The following CREM variants were observed in gnomAD, a reference collection of about 807,000 sequenced individuals.
CREM encodes the protein cAMP-responsive element modulator.
A neutral mutation model predicts 37.3 loss-of-function variants in CREM; 13 were observed. That is an observed-to-expected ratio of 0.35 (90% CI 0.23 to 0.55). The LOEUF (loss-of-function observed/expected upper bound fraction) is 0.55, where lower values mean the gene tolerates loss of function less well. Among genes scored for constraint, CREM ranks in the 20% least tolerant of loss-of-function variants. The pLI is 0.88. For synonymous variants in CREM, 124 were observed against 120.2 expected, an observed-to-expected ratio of 1.03 and a Z score of -0.21; for missense variants, 296 against 362.3, an observed-to-expected ratio of 0.82 and a Z score of 1.49.
intron 1 of CREM, among the ~76,000 whole-genome samples, chr10:35,131,209 A>C (rs1193406247): frequency 6.6e-6 from 1 of 152,242 alleles, no homozygotes; most frequent in African/African-American, 2.4e-5. Flanking sequence ...TAACCAGGCC[A>C]TTTAAATATC....
intron 1 of CREM, among the ~76,000 whole-genome samples, chr10:35,135,113 A>G (rs533494497): frequency 6.6e-6 from 1 of 152,290 alleles, no homozygotes; most frequent in African/African-American, 2.4e-5. Context: ...TACTGGTGAA[A>G]GTAAGGTGAA....
At chr10:35,178,296 C>G (rs2094187957) in intron 3 of CREM, among the ~76,000 whole-genome samples, 1 of 152,134 alleles carries the variant, frequency 6.6e-6, no homozygotes, top group Non-Finnish European at 1.5e-5. Context: ...AGGAGAAATG[C>G]TTTATTTGGA....
At chr10:35,163,472 A>C (rs897511225) in intron 3 of CREM, among the ~76,000 whole-genome samples, 1 of 152,030 alleles carries the variant, frequency 6.6e-6, no homozygotes. Flanking sequence ...TTGCTTGAGC[A>C]CAGGAGTTCG....
chr10:35,211,861 A>G lies in CREM; in HGVS notation c.*463A>G. On this transcript the variant is annotated 3_prime_UTR_variant, in exon 8 of 8. Coordinates refer to ENST00000685392, the MANE Select transcript of CREM (RefSeq NM_183011.2). ...ATAGTTGCTTTTGAAGGAATACAAT[A>G]TATAGCTGGCAAGAATGGTGGCTTC... is the stretch of plus-strand genomic sequence containing the variant. The G allele has an allele frequency of 5.5e-6, 8 of 1,453,854 alleles. No homozygotes were observed. Among genetic ancestry groups the G allele is most frequent in the Non-Finnish European group, 7.3e-6 (8 of 1,092,126 alleles). The allele number at this position is 1,453,854 out of a possible 1,614,324, so 90.1% of individuals were successfully genotyped here.
At chr10:35,196,039 A>G (rs1457306799) in intron 6 of CREM, 1 of 1,613,776 alleles carries the variant, frequency 6.2e-7, no homozygotes, top group South Asian at 1.1e-5. Context: ...TTGAAGAGGG[A>G]AACACGTCAT....
At chr10:35,152,655 A>G (rs956125395) in intron 3 of CREM, among the ~76,000 whole-genome samples, 1 of 152,198 alleles carries the variant, frequency 6.6e-6, no homozygotes, top group Non-Finnish European at 1.5e-5. Context: ...GTGTGTTGAT[A>G]TACAGGACTA....
At chr10:35,191,026 A>G (rs571610733) in intron 6 of CREM, among the ~76,000 whole-genome samples, 53 of 152,172 alleles carry the variant, frequency 3.5e-4, no homozygotes, top group African/African-American at 1.2e-3. Flanking sequence ...ATCCCAAACC[A>G]TAGAAAGTCT....
intron 5 of CREM, among the ~76,000 whole-genome samples, chr10:35,180,374 C>T (rs1014550559): frequency 2.0e-5 from 3 of 152,124 alleles, no homozygotes; most frequent in Non-Finnish European, 4.4e-5. Flanking sequence ...GTCCTGACTA[C>T]TAAAACAAGC....
intron 6 of CREM, among the ~76,000 whole-genome samples, chr10:35,197,058 C>G (rs2095214209): frequency 1.3e-5 from 2 of 151,780 alleles, no homozygotes; most frequent in African/African-American, 4.8e-5. Flanking sequence ...GGGGTTTCAC[C>G]GTGTTAGCCA....
intron 1 of CREM, among the ~76,000 whole-genome samples, chr10:35,133,988 T>C (rs925628415): frequency 2.6e-5 from 4 of 152,208 alleles, no homozygotes; most frequent in African/African-American, 9.6e-5. Flanking sequence ...AATTCTTATA[T>C]ATACCTAGTT....
At chr10:35,146,867 G>C (rs1639928890) in intron 2 of CREM, among the ~76,000 whole-genome samples, 1 of 152,108 alleles carries the variant, frequency 6.6e-6, no homozygotes, top group Middle Eastern at 3.2e-3. Context: ...AGGATCTGTA[G>C]AATCTGGTAA....
chr10:35,195,717 A>G (rs2095128833), intron 6 of CREM: 6 of 356,438 alleles, frequency 1.7e-5, no homozygotes, highest in South Asian at 1.6e-4. Context: ...TTGTGTGCCT[A>G]CTTGTTTCTT....
At chr10:35,144,818 G>A (rs553716142) in intron 2 of CREM, among the ~76,000 whole-genome samples, 3 of 150,880 alleles carry the variant, frequency 2.0e-5, no homozygotes, top group Admixed American at 2.0e-4. Flanking sequence ...AACATAATTA[G>A]CCTTTTTTTC....
chr10:35,184,589 T>G (rs1313411961), intron 5 of CREM, among the ~76,000 whole-genome samples: 1 of 152,146 alleles, frequency 6.6e-6, no homozygotes, highest in Non-Finnish European at 1.5e-5. Context: ...AGTAGAAATG[T>G]TTTCTCACTA....
chr10:35,133,524 C>G (rs2089840486), intron 1 of CREM, among the ~76,000 whole-genome samples: 1 of 152,120 alleles, frequency 6.6e-6, no homozygotes, highest in African/African-American at 2.4e-5. Context: ...GTCTCGAACT[C>G]CTGACCTCAT....
chr10:35,139,147 A>G (rs538805469), intron 2 of CREM, among the ~76,000 whole-genome samples: 3 of 150,410 alleles, frequency 2.0e-5, no homozygotes, highest in South Asian at 2.1e-4. Flanking sequence ...TTTTTGAGAC[A>G]CAGTGTCACT....
Position 35,208,749 on chromosome 10 carries a change from T to C in CREM, c.755+1698T>C, listed in dbSNP as rs112201636. Among the ~76,000 whole-genome samples the C allele has an allele frequency of 3.3e-5, 5 of 152,328 alleles. 1 individual carries two copies. The highest frequency in any genetic ancestry group is 1.2e-4 in the African/African-American group (5 of 41,580). ...GTCTGGCCCAACTGCAAACCTTTCC[T>C]GGAAGATCCTCCCAGCAACTTTCAC... On this transcript the variant is annotated intron_variant, in intron 7 of 7. Transcript: ENST00000685392.
At chr10:35,201,798 A>T (rs1460067787) in intron 6 of CREM, among the ~76,000 whole-genome samples, 1 of 152,222 alleles carries the variant, frequency 6.6e-6, no homozygotes, top group Non-Finnish European at 1.5e-5. Flanking sequence ...CTTTGAAGAG[A>T]CACATCGCAT....
intron 2 of CREM, among the ~76,000 whole-genome samples, chr10:35,139,518 T>G (rs1312289844): frequency 6.6e-6 from 1 of 152,196 alleles, no homozygotes; most frequent in Non-Finnish European, 1.5e-5. Context: ...GTGGACTTGT[T>G]TGTTTTCGTT....
Sources: allele counts gnomAD v4.1 joint callset (sites outside exome capture counted in the v4.1 genomes callset), GRCh38; gene constraint gnomAD v4.1.1; transcripts MANE v1.5; gene names NCBI Gene and HGNC (gene_info 2026-07-23, HGNC 2026-07-21).